Variants in LARGE1 observed in about 807,000 individuals in gnomAD.
LARGE1 encodes LARGE xylosyl- and glucuronyltransferase 1.
Under a neutral mutation model 87.6 loss-of-function variants are expected in LARGE1, and 43 were observed. The observed-to-expected ratio is 0.49, with a 90% CI of 0.38 to 0.63. LARGE1 has a LOEUF of 0.63. Ranked by LOEUF, LARGE1 falls within the 30% of genes least tolerant of loss-of-function variation. The pLI, the probability that LARGE1 is intolerant of heterozygous loss-of-function variation, is 0.00. For synonymous variants in LARGE1, 434 were observed against 394.6 expected (o/e 1.10, Z -1.18); for missense variants, 802 against 1,000.2 (o/e 0.80, Z 2.67).
chr22:33,533,857 C>T (rs930189479), intron 6 of LARGE1, among the ~76,000 whole-genome samples: 1 of 150,886 alleles, frequency 6.6e-6, no homozygotes, highest in Non-Finnish European at 1.5e-5. Flanking sequence ...GGTGAAATAG[C>T]TGTTTCATCT....
At chr22:33,283,518 G>A (rs1287266834) in intron 12 of LARGE1, among the ~76,000 whole-genome samples, 170 bp from the exon 13 acceptor site, 2 of 152,184 alleles carry the variant, frequency 1.3e-5, no homozygotes, top group Non-Finnish European at 2.9e-5. Context: ...GCTCACGTCT[G>A]TAATCCCAGC....
At chr22:33,907,658 C>G (rs1041752429) in intron 1 of LARGE1, among the ~76,000 whole-genome samples, 3 of 152,042 alleles carry the variant, frequency 2.0e-5, no homozygotes, top group African/African-American at 7.2e-5. Flanking sequence ...ACCTCCGCCT[C>G]CCGGGTTCAC....
chr22:33,103,853 C>T, the LARGE1 span, among the ~76,000 whole-genome samples: 1 of 152,114 alleles, frequency 6.6e-6, no homozygotes, highest in Admixed American at 6.5e-5. Flanking sequence ...ATACTGTTCT[C>T]GTGGTAGTGA....
intron 2 of LARGE1, among the ~76,000 whole-genome samples, chr22:33,651,389 CAAAAAAAAAAAA>C (rs59002897): frequency 9.2e-5 from 5 of 54,356 alleles, no homozygotes; most frequent in South Asian, 1.0e-3. Flanking sequence ...GACTCCGTCT[CAAAAAAAAAAAA>C]AAAAAAAAAG....
intron 4 of LARGE1, among the ~76,000 whole-genome samples, chr22:33,611,967 T>C (rs1463043052): frequency 6.6e-6 from 1 of 152,226 alleles, no homozygotes; most frequent in East Asian, 1.9e-4. Flanking sequence ...TGCTCCTTTT[T>C]TGCCCTTCTG....
intron 1 of LARGE1, among the ~76,000 whole-genome samples, chr22:33,903,096 C>T (rs919380556): frequency 6.6e-6 from 1 of 152,180 alleles, no homozygotes; most frequent in African/African-American, 2.4e-5. Context: ...CAAGCCATTG[C>T]ACTGCAGCCC....
intron 6 of LARGE1, among the ~76,000 whole-genome samples, chr22:33,479,515 AG>A (rs2069220545): frequency 2.0e-5 from 3 of 152,340 alleles, no homozygotes; most frequent in Admixed American, 2.0e-4. Flanking sequence ...GGACTAGAAC[AG>A]TGCCTGGCAT....
intron 2 of LARGE1, among the ~76,000 whole-genome samples, chr22:33,669,545 T>C (rs16992780): frequency 0.029 from 4,342 of 152,280 alleles, 170 homozygotes; most frequent in African/African-American, 0.089. Flanking sequence ...TCTTCCTTGA[T>C]ACTCATTGTT....
At chr22:33,103,596 G>A in the LARGE1 span, among the ~76,000 whole-genome samples, 2 of 152,158 alleles carry the variant, frequency 1.3e-5, no homozygotes, top group Non-Finnish European at 2.9e-5. Flanking sequence ...CATGTTGCGA[G>A]CTGTCCATGG....
At chr22:33,296,021 C>G (rs1329461613) in intron 12 of LARGE1, among the ~76,000 whole-genome samples, 1 of 152,218 alleles carries the variant, frequency 6.6e-6, no homozygotes, top group Non-Finnish European at 1.5e-5. Context: ...GAGCACTTGA[C>G]CATGTGCGAG....
At chr22:33,463,094 T>G (rs927664138) in intron 6 of LARGE1, among the ~76,000 whole-genome samples, 1 of 151,628 alleles carries the variant, frequency 6.6e-6, no homozygotes, top group Admixed American at 6.6e-5. Flanking sequence ...AATGAAGAAA[T>G]CTAAAAAGTA....
At chr22:33,384,102 A>C (rs2065246657) in intron 8 of LARGE1, 90 bp downstream of exon 8, 3 of 941,512 alleles carry the variant, frequency 3.2e-6, no homozygotes, top group Non-Finnish European at 5.3e-6. Flanking sequence ...TACGTAGAAA[A>C]CCATTCAGAT....
In LARGE1 at chr22:33,280,963, C is replaced by T. The variant is rs141741287; in HGVS notation, c.1877+2239G>A. 1.3e-3 allele frequency among the ~76,000 whole-genome samples: 198 copies of T among 152,282 alleles called. 1 individual carries two copies. The highest frequency in any genetic ancestry group is 4.3e-3 in the African/African-American group (179 of 41,544). On this transcript the variant is annotated intron_variant, in intron 13 of 14. Coordinates refer to ENST00000397394, the MANE Select transcript of LARGE1 (RefSeq NM_133642.5). ...ATGCTGAAGCCACTGGTCCAGGGAC[C>T]GCATTCTGGAGCCACCGCCCTAGAG...
chr22:33,460,589 A>C (rs1180716891), intron 6 of LARGE1, among the ~76,000 whole-genome samples: 1 of 152,186 alleles, frequency 6.6e-6, no homozygotes, highest in East Asian at 1.9e-4. Context: ...CAATAATGGA[A>C]ACTGATAAGA....
chr22:33,138,336 T>C, the LARGE1 span, among the ~76,000 whole-genome samples: 1 of 152,214 alleles, frequency 6.6e-6, no homozygotes, highest in Non-Finnish European at 1.5e-5. Flanking sequence ...CCAATGCCTG[T>C]ACCTCCATTG....
chr22:33,153,951 T>A, the LARGE1 span, among the ~76,000 whole-genome samples: 1 of 152,304 alleles, frequency 6.6e-6, no homozygotes, highest in East Asian at 1.9e-4. Flanking sequence ...CACCAGGATG[T>A]TGTTTAGGAA....
the LARGE1 span, among the ~76,000 whole-genome samples, chr22:33,110,101 C>T: frequency 1.3e-5 from 2 of 152,218 alleles, no homozygotes; most frequent in African/African-American, 4.8e-5. Flanking sequence ...CAGATACTGT[C>T]CACCACCAAA....
At chr22:33,306,503 T>C (rs1297571279) in intron 11 of LARGE1, among the ~76,000 whole-genome samples, 2 of 152,060 alleles carry the variant, frequency 1.3e-5, no homozygotes, top group African/African-American at 4.8e-5. Flanking sequence ...GTGTCTCAGT[T>C]TTCCAAGAAA....
At chr22:33,503,250 T>G (rs1212431825) in intron 6 of LARGE1, among the ~76,000 whole-genome samples, 1 of 149,238 alleles carries the variant, frequency 6.7e-6, no homozygotes, top group African/African-American at 2.5e-5. Context: ...CCCTTTTTTT[T>G]TTTTTTTTGT....
Sources: gnomAD v4.1 joint callset for allele counts (sites outside exome capture counted in the v4.1 genomes callset) on GRCh38, gnomAD v4.1.1 for gene constraint, MANE v1.5 for transcripts, NCBI Gene and HGNC (gene_info 2026-07-23, HGNC 2026-07-21) for gene names.